Variants in USP49 observed in about 807,000 individuals in gnomAD.
USP49 encodes the protein ubiquitin specific peptidase 49, also known as ubiquitin carboxyl-terminal hydrolase 49.
USP49 carries 24 observed loss-of-function variants against 58.6 expected under a neutral mutation model. The observed-to-expected ratio is 0.41, with a 90% CI of 0.30 to 0.58. The LOEUF (loss-of-function observed/expected upper bound fraction) is 0.58, where lower values mean the gene tolerates loss of function less well. Ranked by LOEUF, USP49 falls within the 20% of genes least tolerant of loss-of-function variation. USP49 has a pLI of 0.30. For synonymous variants in USP49, 408 were observed against 365.1 expected, an observed-to-expected ratio of 1.12 and a Z score of -1.34; for missense variants, 703 against 866.1, an observed-to-expected ratio of 0.81 and a Z score of 2.36.
intron 3 of USP49, among the ~76,000 whole-genome samples, chr6:41,807,753 TTTTAA>T (rs1311894356): frequency 1.3e-5 from 2 of 151,638 alleles, no homozygotes; most frequent in African/African-American, 4.9e-5. Flanking sequence ...TATATGTGTT[TTTTAA>T]TTTATTTTTT....
intron 7 of USP49, among the ~76,000 whole-genome samples, chr6:41,797,438 G>T (rs1456582576): frequency 6.6e-6 from 1 of 152,176 alleles, no homozygotes; most frequent in Non-Finnish European, 1.5e-5. Flanking sequence ...GAACAAAAAA[G>T]TATTTATTCA....
At chr6:41,810,116 C>T (rs1166067293) in intron 3 of USP49, among the ~76,000 whole-genome samples, 1 of 151,424 alleles carries the variant, frequency 6.6e-6, no homozygotes, top group East Asian at 1.9e-4. Context: ...CGCGCCACTG[C>T]ACTTCAGCCT....
At chr6:41,877,796 A>C (rs985836799) in intron 2 of USP49, among the ~76,000 whole-genome samples, 2 of 152,158 alleles carry the variant, frequency 1.3e-5, no homozygotes, top group Non-Finnish European at 1.5e-5. Flanking sequence ...CCTGGCCTCA[A>C]GTGATCTGCC....
chr6:41,889,954 T>C (rs1040026351), intron 2 of USP49, among the ~76,000 whole-genome samples: 1 of 152,170 alleles, frequency 6.6e-6, no homozygotes, highest in Middle Eastern at 3.2e-3. Flanking sequence ...TTTAAAAAAC[T>C]GCAATAAAAT....
Position 41,887,610 on chromosome 6 carries a change from A to C in USP49, c.-103+4184T>G, listed in dbSNP as rs180687672. ...AGACATAGACAAAAGCCTTTAAAAC[A>C]TATCTTTAAAACCACAAAAGAAAAA... is the stretch of plus-strand genomic sequence containing the variant. On this transcript the variant is annotated intron_variant, in intron 2 of 7. Transcript: ENST00000682992. Among the ~76,000 whole-genome samples the C allele has an allele frequency of 1.4e-4, 22 of 152,362 alleles. No individual in the cohort carries two copies. In the East Asian group the frequency reaches 1.5e-3, roughly 11 times the overall value.
intron 5 of USP49, among the ~76,000 whole-genome samples, chr6:41,802,789 T>TGTTA (rs989323349): frequency 6.6e-6 from 1 of 152,146 alleles, no homozygotes; most frequent in African/African-American, 2.4e-5. Flanking sequence ...AAGCATTAAG[T>TGTTA]GTTAGTGTGG....
intron 3 of USP49, among the ~76,000 whole-genome samples, chr6:41,850,628 C>T (rs1179990725): frequency 7.0e-6 from 1 of 142,690 alleles, no homozygotes; most frequent in East Asian, 2.1e-4. Flanking sequence ...TTTTTTGAGA[C>T]AGAGTCTCAT....
chr6:41,804,119 C>CA, intron 4 of USP49, 109 bp from the exon 5 acceptor site: 1 of 864,308 alleles, frequency 1.2e-6, no homozygotes, highest in Non-Finnish European at 1.7e-6. Context: ...GTATAATTTT[C>CA]AAAAAATAGT....
At chr6:41,836,180 T>C (rs1292622833) in intron 3 of USP49, among the ~76,000 whole-genome samples, 5 of 152,078 alleles carry the variant, frequency 3.3e-5, no homozygotes, top group African/African-American at 1.2e-4. Context: ...TTTTGGCTCA[T>C]AGAGAACACT....
chr6:41,868,360 G>T (rs902412898), intron 3 of USP49, among the ~76,000 whole-genome samples: 1 of 151,918 alleles, frequency 6.6e-6, no homozygotes, highest in African/African-American at 2.4e-5. Flanking sequence ...ACGGAGTCTC[G>T]CTCTGTTGCC....
In USP49 at chr6:41,805,748, C is replaced by T. The variant is rs1773103164; in HGVS notation, c.1236G>A (p.Gln412=). ...TGGTGCCCTCAGACTCGAGTTCCTG[C>T]TGCACCTTGTGCAGCAGCTCGCAGA... is the stretch of plus-strand genomic sequence containing the variant. The part of the protein sequence containing the change: ...EFLCELLHKV[Q]QELESEGTTR... The change falls in exon 4 of 8, where the codon CAG becomes CAA. Residue 412 remains glutamine, a synonymous_variant. Transcript: ENST00000682992. 6.2e-7 allele frequency: 1 copy of T among 1,614,116 alleles called. No individual in the cohort carries two copies. Among genetic ancestry groups the T allele is most frequent in the African/African-American group, 1.3e-5 (1 of 75,034 alleles).
intron 1 of USP49, among the ~76,000 whole-genome samples, chr6:41,892,767 C>A (rs1774831256): frequency 6.6e-6 from 1 of 152,114 alleles, no homozygotes; most frequent in Non-Finnish European, 1.5e-5. Flanking sequence ...AAAAAAGTAT[C>A]TTTGTGCATC....
intron 2 of USP49, among the ~76,000 whole-genome samples, chr6:41,873,858 C>T (rs1189244674): frequency 6.6e-6 from 1 of 152,196 alleles, no homozygotes; most frequent in Non-Finnish European, 1.5e-5. Context: ...CAGCTCAATG[C>T]TGAAAACTAT....
intron 2 of USP49, among the ~76,000 whole-genome samples, chr6:41,883,867 T>C (rs911213032): frequency 2.6e-5 from 4 of 152,042 alleles, no homozygotes; most frequent in Non-Finnish European, 4.4e-5. Flanking sequence ...TCCCTGAGAA[T>C]TCTCAAACAT....
chr6:41,813,005 C>T (rs962621972), intron 3 of USP49, among the ~76,000 whole-genome samples: 10 of 152,120 alleles, frequency 6.6e-5, no homozygotes, highest in Admixed American at 5.9e-4. Context: ...GAATATATTA[C>T]AGTGCTGTCC....
chr6:41,859,573 C>T (rs1774185183), intron 3 of USP49, among the ~76,000 whole-genome samples: 1 of 152,110 alleles, frequency 6.6e-6, no homozygotes, highest in Non-Finnish European at 1.5e-5. Flanking sequence ...CTGAAGAAGA[C>T]ATCGTGCCGA....
At chr6:41,802,810 G>A (rs1470588457) in intron 5 of USP49, among the ~76,000 whole-genome samples, 2 of 152,106 alleles carry the variant, frequency 1.3e-5, no homozygotes, top group Non-Finnish European at 2.9e-5. Flanking sequence ...CAAGATGGAA[G>A]GACCCTGATA....
At chr6:41,833,512 A>G (rs890123088) in intron 3 of USP49, among the ~76,000 whole-genome samples, 2 of 152,240 alleles carry the variant, frequency 1.3e-5, no homozygotes, top group South Asian at 4.1e-4. Context: ...GTATTTAAGC[A>G]CTGACAGGAA....
At position 41,884,982 on chromosome 6, in the gene USP49, G is replaced by C. The variant is rs115914904; in HGVS notation, c.-103+6812C>G. ...AACTCTGTAAGTCCTACATAAATTA[G>C]ACAGCCACATCTCAATCCACAGATA... On this transcript the variant is annotated intron_variant, in intron 2 of 7. Transcript: ENST00000682992. 9.7e-3 allele frequency among the ~76,000 whole-genome samples: 1,474 copies of C among 152,258 alleles called. 20 individuals are homozygous for C. The highest frequency in any genetic ancestry group is 0.034 in the African/African-American group (1,414 of 41,538).
Sources: allele counts gnomAD v4.1 joint callset (sites outside exome capture counted in the v4.1 genomes callset), GRCh38; gene constraint gnomAD v4.1.1; transcripts MANE v1.5; gene names NCBI Gene and HGNC (gene_info 2026-07-23, HGNC 2026-07-21).